The following TTYH3 variants were observed in gnomAD, a reference collection of about 807,000 sequenced individuals.
TTYH3 encodes protein tweety homolog 3.
Under a neutral mutation model 68.2 loss-of-function variants are expected in TTYH3, and 23 were observed. That is an observed-to-expected ratio of 0.34 (90% CI 0.24 to 0.48). The LOEUF (loss-of-function observed/expected upper bound fraction) is 0.48. TTYH3 is among the 20% of genes least tolerant of loss of function. The pLI is 0.99. For missense variants in TTYH3, 768 were observed against 727.7 expected, an observed-to-expected ratio of 1.06 and a Z score of -0.64; for synonymous variants, 360 against 332.8, an observed-to-expected ratio of 1.08 and a Z score of -0.89.
At chr7:2,647,778 G>A (rs1786040698) in intron 4 of TTYH3, 140 bp downstream of exon 4, 2 of 1,095,438 alleles carry the variant, frequency 1.8e-6, no homozygotes, top group Non-Finnish European at 2.6e-6. Flanking sequence ...ACAGGCAGTG[G>A]CTGGAGTTCC....
At chr7:2,661,231 G>A (rs1036464704) in intron 13 of TTYH3, among the ~76,000 whole-genome samples, 4 of 152,190 alleles carry the variant, frequency 2.6e-5, no homozygotes, top group African/African-American at 4.8e-5. Context: ...CCCTGAGCCC[G>A]GAGGAGGCCT....
intron 1 of TTYH3, among the ~76,000 whole-genome samples, chr7:2,637,918 G>C (rs964299116): frequency 6.6e-6 from 1 of 152,182 alleles, no homozygotes; most frequent in African/African-American, 2.4e-5. Context: ...CCGAGGGTGT[G>C]GGAGGAAGCC....
intron 4 of TTYH3, 68 bp downstream of exon 4, chr7:2,647,706 G>C: frequency 6.7e-7 from 1 of 1,488,144 alleles, no homozygotes. Flanking sequence ...GCCAATTTTT[G>C]CTCTCAGCAC....
chr7:2,661,575 T>C, intron 13 of TTYH3, 93 bp from the exon 14 acceptor site: 1 of 1,258,952 alleles, frequency 7.9e-7, no homozygotes, highest in South Asian at 1.3e-5. Flanking sequence ...CCAGGGCTGT[T>C]GGCTCAGCCA....
intron 1 of TTYH3, among the ~76,000 whole-genome samples, chr7:2,633,411 T>A (rs1785576867): frequency 6.6e-6 from 1 of 151,862 alleles, no homozygotes. Context: ...AGCCCACTGC[T>A]CCCAGCCTCG....
In TTYH3 at chr7:2,647,196, T is replaced by C. The variant is rs146145668; in HGVS notation, c.348T>C (p.His116=). The C allele has an allele frequency of 6.1e-4, 975 of 1,606,494 alleles. 2 individuals carry two copies. The highest frequency in any genetic ancestry group is 8.0e-4 in the Non-Finnish European group (940 of 1,178,100). The stretch of plus-strand genomic sequence containing the variant: ...ACGGGGAGACCAGTGATGGCATCCA[T>C]AGGGCCACCTACTCGCTCCGCCACG... ...YGNGETSDGI[H]RATYSLRHAN... Residue 116 remains histidine (H), a synonymous_variant, in exon 3 of 14, where the codon CAT becomes CAC. Coordinates refer to ENST00000258796, the MANE Select transcript of TTYH3 (RefSeq NM_025250.3).
At chr7:2,636,626 T>C (rs1196035686) in intron 1 of TTYH3, among the ~76,000 whole-genome samples, 1 of 151,780 alleles carries the variant, frequency 6.6e-6, no homozygotes, top group Non-Finnish European at 1.5e-5. Flanking sequence ...AGGCTGGGGG[T>C]GTACAGCGAA....
intron 1 of TTYH3, among the ~76,000 whole-genome samples, chr7:2,639,815 C>T (rs11768734): frequency 0.19 from 28,719 of 152,184 alleles, 2,961 homozygotes; most frequent in African/African-American, 0.28. Flanking sequence ...CACTTCCACA[C>T]GGAGCTGGCA....
At chr7:2,650,128 G>A (rs1786126812) in intron 7 of TTYH3, 140 bp downstream of exon 7, 1 of 788,302 alleles carries the variant, frequency 1.3e-6, no homozygotes, top group South Asian at 1.7e-5. Flanking sequence ...CAAGATGCTA[G>A]TGAGCAAACA....
intron 1 of TTYH3, among the ~76,000 whole-genome samples, chr7:2,638,058 T>C (rs12700196): frequency 0.33 from 49,567 of 152,050 alleles, 8,271 homozygotes; most frequent in East Asian, 0.46. Context: ...AGAGCACTCC[T>C]GAAGTTCTGG....
In TTYH3 at chr7:2,657,060, G is replaced by A. The variant is rs145532062; in HGVS notation, c.1250+526G>A. ...ACTATGTCCTTACCTTTGAAGTGGG[G>A]GTCCTGGTGGCCCCTGCCTGAGTCT... On this transcript the variant is annotated intron_variant, in intron 11 of 13. Transcript: ENST00000258796. Among the ~76,000 whole-genome samples the A allele has an allele frequency of 6.3e-3, 962 of 152,326 alleles. 17 individuals are homozygous for A. Among genetic ancestry groups the A allele is most frequent in the African/African-American group, 0.022 (917 of 41,562 alleles).
intron 3 of TTYH3, 55 bp from the exon 4 acceptor site, chr7:2,647,363 G>A: frequency 3.4e-6 from 5 of 1,472,174 alleles, no homozygotes; most frequent in Non-Finnish European, 4.5e-6. Context: ...GAGGGGCCCA[G>A]ACTCTGGGGC....
At chr7:2,638,523 G>A (rs1247342542) in intron 1 of TTYH3, among the ~76,000 whole-genome samples, 1 of 152,134 alleles carries the variant, frequency 6.6e-6, no homozygotes, top group Non-Finnish European at 1.5e-5. Context: ...GGCCAGCCCG[G>A]AGGGAGCCCC....
rs1465253918 is a variant in TTYH3, at chr7:2,646,871, G to A, written c.142G>A (p.Ala48Thr). 6 of 1,596,484 alleles carry A rather than the reference G, an allele frequency of 3.8e-6. No individual in the cohort carries two copies. The highest frequency in any genetic ancestry group is 1.3e-5 in the African/African-American group (1 of 74,872). ...DYQQALLLLG[A>T]AALACLALDL... ...CCCTCAGGCCCTGCTGCTCCTGGGG[G>A]CCGCCGCCCTGGCCTGCCTCGCCCT... Residue 48 changes from alanine (A) to threonine (T), a missense_variant, in exon 2 of 14, where the codon GCC (alanine) becomes ACC (threonine). Transcript: ENST00000258796.
At chr7:2,656,312 G>A in intron 10 of TTYH3, 86 bp from the exon 11 acceptor site, 4 of 1,572,360 alleles carry the variant, frequency 2.5e-6, no homozygotes, top group African/African-American at 1.3e-5. Context: ...GGGCGGTCCA[G>A]GCCGCCGTGG....
At chr7:2,649,677 C>G (rs1285646520) in intron 6 of TTYH3, 38 bp downstream of exon 6, 1 of 1,575,740 alleles carries the variant, frequency 6.3e-7, no homozygotes, top group Non-Finnish European at 8.6e-7. Context: ...GGCTGCTGGA[C>G]CTGGGCACTG....
chr7:2,662,007 C>A lies in TTYH3; in HGVS notation c.*268C>A, dbSNP rs941299577. ...CTGCACGCCACCCACTATCCCGGCA[C>A]GCTCCCTCTGCAGATGGTCGCCGCA... is the stretch of plus-strand genomic sequence containing the variant. On this transcript the variant is annotated 3_prime_UTR_variant, in exon 14 of 14. Transcript: ENST00000258796. The A allele has an allele frequency of 3.4e-6, 2 of 587,786 alleles. No homozygotes were observed. Among genetic ancestry groups the A allele is most frequent in the South Asian group, 4.0e-5 (2 of 50,304 alleles). The allele number at this position is 587,786 out of a possible 1,614,324, so 36.4% of individuals were successfully genotyped here.
At chr7:2,659,341 G>A (rs535860440) in intron 13 of TTYH3, among the ~76,000 whole-genome samples, 3 of 152,296 alleles carry the variant, frequency 2.0e-5, no homozygotes, top group East Asian at 3.9e-4. Flanking sequence ...GTGGGTGGGC[G>A]GGCAGATGTG....
At position 2,664,326 on chromosome 7, in the gene TTYH3, G is replaced by T. The variant is rs1786565316; in HGVS notation, c.*2587G>T. ...CTGCCCTGGGGCCAGCTCTGCCCCA[G>T]CCCTGAGAGGGGTGGTGAGGCAGCC... On this transcript the variant is annotated 3_prime_UTR_variant, in exon 14 of 14. Coordinates refer to ENST00000258796, the MANE Select transcript of TTYH3 (RefSeq NM_025250.3). 2 of 152,658 alleles carry T rather than the reference G, an allele frequency of 1.3e-5. No individual in the cohort carries two copies. The highest frequency in any genetic ancestry group is 1.3e-4 in the Admixed American group (2 of 15,292). The allele number at this position is 152,658 out of a possible 1,614,324, so 9.5% of individuals were successfully genotyped here.
Sources: allele counts gnomAD v4.1 joint callset (sites outside exome capture counted in the v4.1 genomes callset), GRCh38; gene constraint gnomAD v4.1.1; transcripts MANE v1.5; gene names NCBI Gene and HGNC (gene_info 2026-07-23, HGNC 2026-07-21).